ST14: variants seen among roughly 807,000 people sequenced by gnomAD.
ST14 encodes the protein suppressor of tumorigenicity 14 protein.
Under a neutral mutation model 96.5 loss-of-function variants are expected in ST14, and 40 were observed. The observed-to-expected ratio is 0.41, with a 90% confidence interval of 0.32 to 0.54. ST14 has a LOEUF of 0.54. ST14 is among the 20% of genes least tolerant of loss of function. The probability of loss-of-function intolerance (pLI) is 0.17; values close to 1 mark genes in which losing one functional copy is unlikely to be tolerated. For synonymous variants in ST14, 506 were observed against 492.1 expected (o/e 1.03, Z -0.37); for missense variants, 1,066 against 1,188.9 (o/e 0.90, Z 1.52).
intron 16 of ST14, among the ~76,000 whole-genome samples, chr11:130,205,609 A>C (rs1028780817): frequency 6.6e-6 from 1 of 151,432 alleles, no homozygotes; most frequent in Admixed American, 6.6e-5. Context: ...GCTGTCCCAC[A>C]CTGAGAAATG....
rs768216252 is a variant in ST14 at position 130,188,221 on chromosome 11, C to A, written c.189C>A (p.Ile63=). The A allele has an allele frequency of 2.5e-6, 4 of 1,614,028 alleles. No homozygotes were observed. Among genetic ancestry groups the A allele is most frequent in the East Asian group, 2.2e-5 (1 of 44,892 alleles). Residue 63 remains isoleucine (I), a synonymous_variant, in exon 2 of 19, where the codon ATC becomes ATA. Coordinates refer to ENST00000278742, the MANE Select transcript of ST14 (RefSeq NM_021978.4). This position sits in a 1 kb window ranked among gnomAD's most constrained non-coding sequence, Gnocchi z 5.4. ...GRWVVLAAVL[I]GLLLVLLGIG... is the part of the protein sequence containing the mutation. ...GGGTGGTGCTGGCAGCCGTGCTGAT[C>A]GGCCTCCTCTTGGTCTTGCTGGGGA...
chr11:130,199,597 C>T (rs1481729070), intron 15 of ST14, among the ~76,000 whole-genome samples: 1 of 152,174 alleles, frequency 6.6e-6, no homozygotes, highest in Non-Finnish European at 1.5e-5. Context: ...CTCCATGCTG[C>T]CCCCTCCCCT....
At chr11:130,170,969 T>G (rs1953087133) in intron 1 of ST14, among the ~76,000 whole-genome samples, 1 of 152,272 alleles carries the variant, frequency 6.6e-6, no homozygotes, top group African/African-American at 2.4e-5. Flanking sequence ...CAGGGGCCTG[T>G]GCTAGCAATG....
chr11:130,203,950 C>T (rs933139315), intron 16 of ST14, among the ~76,000 whole-genome samples: 3 of 152,186 alleles, frequency 2.0e-5, no homozygotes, highest in Non-Finnish European at 2.9e-5. Context: ...CCACCACGCC[C>T]GGCCACCTTT....
At chr11:130,184,727 T>A (rs73034642) in intron 1 of ST14, among the ~76,000 whole-genome samples, 252 of 152,180 alleles carry the variant, frequency 1.7e-3, no homozygotes, top group Non-Finnish European at 2.6e-3. Flanking sequence ...GGAAAAATAG[T>A]CTGGAGAGAT....
At position 130,197,912 on chromosome 11, in the gene ST14, G is replaced by A. The variant is rs745940432; in HGVS notation, c.1426G>A (p.Asp476Asn). 3.8e-6 allele frequency: 6 copies of A among 1,595,332 alleles called. No homozygotes were observed. Among genetic ancestry groups the A allele is most frequent in the South Asian group, 2.3e-5 (2 of 88,658 alleles). The change falls in exon 12 of 19, where the codon GAC (aspartate) becomes AAC (asparagine). Residue 476 changes from aspartate to asparagine, a missense_variant. By Grantham distance (23) the Asp-to-Asn change is conservative (BLOSUM62 1). Transcript: ENST00000278742. ...RKELRCDGWA[D>N]CTDHSDELNC... ...GGAGCTGCGCTGTGATGGCTGGGCC[G>A]ACTGCACCGACCACAGCGATGAGCT...
intron 17 of ST14, among the ~76,000 whole-genome samples, chr11:130,209,124 A>C (rs1953519449): frequency 6.6e-6 from 1 of 152,164 alleles, no homozygotes; most frequent in Admixed American, 6.5e-5. Flanking sequence ...AACAGGACTT[A>C]CAGCTCCAAT....
chr11:130,207,595 A>G (rs528638797), intron 16 of ST14, among the ~76,000 whole-genome samples: 53 of 152,292 alleles, frequency 3.5e-4, no homozygotes, highest in African/African-American at 1.3e-3. Flanking sequence ...ACCTTTCCTG[A>G]TATCTCTGAT....
intron 1 of ST14, among the ~76,000 whole-genome samples, chr11:130,185,254 C>A (rs1447829982): frequency 2.6e-5 from 4 of 151,478 alleles, no homozygotes; most frequent in African/African-American, 7.3e-5. Context: ...ATTTTGATAC[C>A]AAAAATGAAA....
At chr11:130,198,076 A>G in intron 12 of ST14, 131 bp downstream of exon 12, 1 of 999,894 alleles carries the variant, frequency 1.0e-6, no homozygotes, top group Non-Finnish European at 1.5e-6. Flanking sequence ...GGCCCTGTGT[A>G]GAGACCTCTG....
chr11:130,167,303 T>G (rs148444504), intron 1 of ST14, among the ~76,000 whole-genome samples: 181 of 152,318 alleles, frequency 1.2e-3, no homozygotes, highest in African/African-American at 4.3e-3. Context: ...CTAAAAAAAT[T>G]TTTTTCCTCA....
intron 16 of ST14, among the ~76,000 whole-genome samples, chr11:130,202,021 A>G (rs1315042708): frequency 6.6e-6 from 1 of 152,156 alleles, no homozygotes; most frequent in Non-Finnish European, 1.5e-5. Context: ...AGGACCAGCC[A>G]TTTCTCCAAG....
At chr11:130,177,094 G>A (rs1953146121) in intron 1 of ST14, among the ~76,000 whole-genome samples, 1 of 151,808 alleles carries the variant, frequency 6.6e-6, no homozygotes, top group Admixed American at 6.6e-5. Context: ...CACCGTGCCT[G>A]GCGGGGCTTA....
At chr11:130,204,148 C>T (rs1953462395) in intron 16 of ST14, among the ~76,000 whole-genome samples, 1 of 152,214 alleles carries the variant, frequency 6.6e-6, no homozygotes, top group Admixed American at 6.5e-5. Flanking sequence ...TCATATCTCT[C>T]CACATGTACA....
intron 16 of ST14, among the ~76,000 whole-genome samples, chr11:130,207,093 T>C (rs1953497526): frequency 6.6e-6 from 1 of 152,206 alleles, no homozygotes; most frequent in African/African-American, 2.4e-5. Flanking sequence ...GATCGCTTCC[T>C]GCAGAAACAA....
intron 14 of ST14, 98 bp downstream of exon 14, chr11:130,198,719 C>A: frequency 1.5e-6 from 2 of 1,350,980 alleles, no homozygotes; most frequent in Non-Finnish European, 2.1e-6. Context: ...GTTTAATGAA[C>A]ACAAACCACC....
chr11:130,209,782 C>G lies in ST14; in HGVS notation c.2527C>G (p.Pro843Ala). The stretch of plus-strand genomic sequence containing the variant: ...CAAGCCAGGCGTGTACACAAGGCTC[C>G]CTCTGTTTCGGGACTGGATCAAAGA... ...RNKPGVYTRL[P>A]LFRDWIKENT... The change falls in exon 19 of 19, where the codon CCT becomes GCT. Residue 843 changes from proline to alanine, a missense_variant. By Grantham distance (27) the Pro-to-Ala change is conservative. Transcript: ENST00000278742. 6.2e-7 allele frequency: 1 copy of G among 1,614,072 alleles called. No individual in the cohort carries two copies. The highest frequency in any genetic ancestry group is 2.2e-5 in the East Asian group (1 of 44,882).
At chr11:130,162,160 G>A (rs565102326) in intron 1 of ST14, among the ~76,000 whole-genome samples, 9 of 152,296 alleles carry the variant, frequency 5.9e-5, no homozygotes, top group Admixed American at 4.6e-4. Context: ...GTGCACCCTT[G>A]TTTGGTGGTA....
At chr11:130,209,329 C>A in intron 17 of ST14, 113 bp from the exon 18 acceptor site, 2 of 1,406,546 alleles carry the variant, frequency 1.4e-6, no homozygotes, top group East Asian at 2.5e-5. Context: ...TTGTCAGCCC[C>A]GGGCATCTGG....
Sources: gnomAD v4.1 joint callset for allele counts (sites outside exome capture counted in the v4.1 genomes callset) on GRCh38, gnomAD v4.1.1 for gene constraint, Gnocchi (gnomAD v3.1) non-coding constraint, MANE v1.5 for transcripts, NCBI Gene and HGNC (gene_info 2026-07-23, HGNC 2026-07-21) for gene names.